The following DSCAM variants were observed in gnomAD, a reference collection of about 807,000 sequenced individuals.
DSCAM encodes the protein cell adhesion molecule DSCAM.
In DSCAM, 47 loss-of-function variants were observed where a neutral mutation model predicts 217.7. That is an observed-to-expected ratio of 0.22 (90% CI 0.17 to 0.28). DSCAM has a LOEUF of 0.28. Ranked by LOEUF, DSCAM falls within the 10% of genes least tolerant of loss-of-function variation. The pLI, the probability that DSCAM is intolerant of heterozygous loss-of-function variation, is 1.00. For missense variants in DSCAM, 2,080 were observed against 2,618.3 expected, an observed-to-expected ratio of 0.79 and a Z score of 4.49; for synonymous variants, 1,056 against 1,015.3, an observed-to-expected ratio of 1.04 and a Z score of -0.76.
chr21:40,602,493 T>C (rs35562537), intron 3 of DSCAM, among the ~76,000 whole-genome samples: 30,832 of 152,202 alleles, frequency 0.2, 3,426 homozygotes, highest in East Asian at 0.31. Context: ...ATTGAGTCAA[T>C]TTCTTTCATT....
intron 1 of DSCAM, among the ~76,000 whole-genome samples, chr21:40,777,606 G>A (rs1156905754): frequency 1.3e-5 from 2 of 152,092 alleles, no homozygotes; most frequent in Non-Finnish European, 2.9e-5. Flanking sequence ...TAATCTATTT[G>A]TAAGACAAAA....
chr21:40,624,011 C>T (rs2089563297), intron 3 of DSCAM, among the ~76,000 whole-genome samples: 2 of 152,174 alleles, frequency 1.3e-5, no homozygotes, highest in Non-Finnish European at 2.9e-5. Context: ...TTTCAGTCTT[C>T]ATATGGCGAT....
intron 3 of DSCAM, among the ~76,000 whole-genome samples, chr21:40,559,314 C>T (rs906156437): frequency 2.0e-5 from 3 of 152,024 alleles, no homozygotes; most frequent in Non-Finnish European, 2.9e-5. Flanking sequence ...AAAAATTAGC[C>T]GGGCGCGGTG....
At chr21:40,676,224 A>T (rs1188109903) in intron 3 of DSCAM, among the ~76,000 whole-genome samples, 1 of 152,242 alleles carries the variant, frequency 6.6e-6, no homozygotes, top group Non-Finnish European at 1.5e-5. Context: ...AGAGAGAAAC[A>T]TTCATCTTAT....
At chr21:40,107,104 A>G (rs1479410144) in intron 20 of DSCAM, among the ~76,000 whole-genome samples, 2 of 152,164 alleles carry the variant, frequency 1.3e-5, no homozygotes, top group African/African-American at 4.8e-5. Flanking sequence ...TGACGTGGGC[A>G]TTTAGTACTA....
Position 40,047,472 on chromosome 21 carries a change from T to C in DSCAM, c.5186-3197A>G, listed in dbSNP as rs2088859777. 3.3e-5 allele frequency among the ~76,000 whole-genome samples: 5 copies of C among 152,234 alleles called. 1 individual carries two copies. In the South Asian group the frequency reaches 1.0e-3, roughly 32 times the overall value. On this transcript the variant is annotated intron_variant, in intron 30 of 32. Transcript: ENST00000400454. ...CCCATGAGTTGGAGGGCACAGGATA[T>C]AAATAGCTCATGGCCTTTCAACATG...
At chr21:40,035,228 TAA>T (rs1483954209) in intron 32 of DSCAM, among the ~76,000 whole-genome samples, 1 of 115,230 alleles carries the variant, frequency 8.7e-6, no homozygotes, top group Non-Finnish European at 1.8e-5. Context: ...GCAAATTGGA[TAA>T]AGAGTCAAGA....
At chr21:40,117,765 C>T (rs1191553477) in intron 20 of DSCAM, among the ~76,000 whole-genome samples, 1 of 152,122 alleles carries the variant, frequency 6.6e-6, no homozygotes, top group Non-Finnish European at 1.5e-5. Flanking sequence ...TATTTTCTAT[C>T]GTGGGTCACC....
intron 3 of DSCAM, among the ~76,000 whole-genome samples, chr21:40,619,036 C>T (rs2089444247): frequency 6.6e-6 from 1 of 151,382 alleles, no homozygotes; most frequent in African/African-American, 2.5e-5. Flanking sequence ...CTTAAACCCA[C>T]CGGGTAAAAG....
At position 40,223,412 on chromosome 21, in the gene DSCAM, C is replaced by A. The variant is rs573999680; in HGVS notation, c.2357-34174G>T. 9.2e-5 allele frequency among the ~76,000 whole-genome samples: 14 copies of A among 152,340 alleles called. No homozygotes were observed. In the East Asian group the frequency reaches 2.7e-3, roughly 29 times the overall value. ...CCTAAGGGAAATGCCATTTTCAGCT[C>A]TTAAACACATTCTTTTCTTGCAGCA... On this transcript the variant is annotated intron_variant, in intron 11 of 32. Coordinates refer to ENST00000400454, the MANE Select transcript of DSCAM (RefSeq NM_001389.5).
At chr21:40,686,778 C>T (rs979282543) in intron 3 of DSCAM, among the ~76,000 whole-genome samples, 4 of 152,138 alleles carry the variant, frequency 2.6e-5, no homozygotes, top group Admixed American at 1.3e-4. Flanking sequence ...TCGCCTTACA[C>T]GACCCCCATT....
chr21:40,575,067 C>T (rs1326017463), intron 3 of DSCAM, among the ~76,000 whole-genome samples: 1 of 148,920 alleles, frequency 6.7e-6, no homozygotes, highest in Non-Finnish European at 1.5e-5. Flanking sequence ...GTGAAAATGG[C>T]CTGTTCCTGC....
chr21:40,620,193 AAGAAAG>A (rs1352752901), intron 3 of DSCAM, among the ~76,000 whole-genome samples: 1 of 124,562 alleles, frequency 8.0e-6, no homozygotes, highest in Non-Finnish European at 1.8e-5. Flanking sequence ...AAAAAAGAAA[AAGAAAG>A]AAAGAGAGAA....
intron 27 of DSCAM, among the ~76,000 whole-genome samples, chr21:40,070,046 G>C (rs1484716321): frequency 6.6e-6 from 1 of 151,888 alleles, no homozygotes; most frequent in Non-Finnish European, 1.5e-5. Context: ...GGTAGCCCTC[G>C]ACTCCCCCTC....
chr21:40,829,176 C>A (rs950189433), intron 1 of DSCAM, among the ~76,000 whole-genome samples: 3 of 152,218 alleles, frequency 2.0e-5, no homozygotes, highest in African/African-American at 7.2e-5. Flanking sequence ...ACGCTGATCA[C>A]ATGAAAAATT....
At chr21:40,816,972 G>C (rs1384760099) in intron 1 of DSCAM, among the ~76,000 whole-genome samples, 1 of 152,110 alleles carries the variant, frequency 6.6e-6, no homozygotes, top group Admixed American at 6.5e-5. Flanking sequence ...CTTTGGAGGT[G>C]AATTTCATAG....
At chr21:40,423,770 C>T (rs1040446031) in intron 3 of DSCAM, among the ~76,000 whole-genome samples, 14 of 152,132 alleles carry the variant, frequency 9.2e-5, no homozygotes, top group African/African-American at 1.4e-4. Flanking sequence ...ATACCATCCA[C>T]CAGTAACACA....
chr21:40,799,899 G>A (rs2091724382), intron 1 of DSCAM, among the ~76,000 whole-genome samples: 1 of 152,174 alleles, frequency 6.6e-6, no homozygotes, highest in African/African-American at 2.4e-5. Context: ...ACAGTACACT[G>A]CTTTGGTTTG....
At chr21:40,693,012 G>C (rs1601854447) in intron 2 of DSCAM, 56 bp from the exon 3 acceptor site, 1 of 1,570,666 alleles carries the variant, frequency 6.4e-7, no homozygotes, top group Non-Finnish European at 8.7e-7. Context: ...CTCATTCTGA[G>C]AGTATCTCAC....
Sources: allele counts gnomAD v4.1 joint callset (sites outside exome capture counted in the v4.1 genomes callset), GRCh38; gene constraint gnomAD v4.1.1; transcripts MANE v1.5; gene names NCBI Gene and HGNC (gene_info 2026-07-23, HGNC 2026-07-21).